AGBL4: variants seen among roughly 807,000 people sequenced by gnomAD.
AGBL4 encodes the protein cytosolic carboxypeptidase 6.
Under a neutral mutation model 66.4 loss-of-function variants are expected in AGBL4, and 58 were observed. The ratio of observed to expected loss-of-function variants is 0.87; its 90% CI spans 0.71 to 1.09. The LOEUF (loss-of-function observed/expected upper bound fraction) is 1.09. AGBL4 is among the 50% of genes least tolerant of loss of function. The pLI is 0.00. For synonymous variants in AGBL4, 234 were observed against 222.9 expected, an observed-to-expected ratio of 1.05 and a Z score of -0.44; for missense variants, 579 against 631.0, an observed-to-expected ratio of 0.92 and a Z score of 0.88.
intron 4 of AGBL4, among the ~76,000 whole-genome samples, chr1:49,158,868 T>C (rs1253276450): frequency 6.6e-6 from 1 of 151,318 alleles, no homozygotes; most frequent in Non-Finnish European, 1.5e-5. Context: ...GTCTGTTTTA[T>C]CAGACTAGGA....
intron 4 of AGBL4, among the ~76,000 whole-genome samples, chr1:49,220,397 C>T (rs1649406314): frequency 6.6e-6 from 1 of 152,114 alleles, no homozygotes. Context: ...AACTACATTG[C>T]TTTGGGTAAT....
chr1:49,748,085 A>G (rs1185983406), intron 2 of AGBL4, among the ~76,000 whole-genome samples: 1 of 152,060 alleles, frequency 6.6e-6, no homozygotes, highest in Non-Finnish European at 1.5e-5. Context: ...ATAGGTATAC[A>G]TGTCCCACCG....
chr1:49,253,389 T>C (rs1261996994), intron 3 of AGBL4, among the ~76,000 whole-genome samples: 1 of 151,986 alleles, frequency 6.6e-6, no homozygotes, highest in Admixed American at 6.6e-5. Flanking sequence ...ACACAGGGTG[T>C]TATGTCCCCT....
chr1:48,620,294 A>G (rs1023718405), intron 9 of AGBL4, among the ~76,000 whole-genome samples: 5 of 151,906 alleles, frequency 3.3e-5, no homozygotes, highest in African/African-American at 1.2e-4. Context: ...TTTAAGAGAC[A>G]GGGTCTCACT....
At chr1:49,723,826 C>G (rs1020138820) in intron 2 of AGBL4, among the ~76,000 whole-genome samples, 6 of 152,106 alleles carry the variant, frequency 3.9e-5, no homozygotes, top group Non-Finnish European at 8.8e-5. Context: ...GGGCAAGTTA[C>G]TTAACCTCCA....
intron 3 of AGBL4, among the ~76,000 whole-genome samples, chr1:49,262,835 G>GTT: frequency 6.6e-6 from 1 of 152,118 alleles, no homozygotes; most frequent in Admixed American, 6.6e-5. Flanking sequence ...AAATCATGCT[G>GTT]TTATAAAGAC....
chr1:49,762,383 T>A (rs1652391532), intron 2 of AGBL4, among the ~76,000 whole-genome samples: 1 of 152,124 alleles, frequency 6.6e-6, no homozygotes, highest in African/African-American at 2.4e-5. Flanking sequence ...TTTAGAGAAA[T>A]GTCTATTAAG....
chr1:49,448,742 T>C (rs1192425361), intron 3 of AGBL4, among the ~76,000 whole-genome samples: 2 of 152,180 alleles, frequency 1.3e-5, no homozygotes, highest in Admixed American at 6.5e-5. Context: ...ATGGTGAAGA[T>C]TATTTAAACT....
intron 3 of AGBL4, among the ~76,000 whole-genome samples, chr1:49,508,692 T>C (rs190438738): frequency 1.1e-3 from 168 of 152,074 alleles, no homozygotes; most frequent in African/African-American, 3.6e-3. Context: ...AAATTACTTA[T>C]CCTCTTAGAC....
intron 7 of AGBL4, among the ~76,000 whole-genome samples, chr1:48,657,188 C>T (rs1646034205): frequency 6.6e-6 from 1 of 152,142 alleles, no homozygotes; most frequent in Non-Finnish European, 1.5e-5. Context: ...GGTTCCTCAT[C>T]AATTACAAAG....
intron 5 of AGBL4, among the ~76,000 whole-genome samples, chr1:49,035,905 C>T (rs979142443): frequency 2.0e-5 from 3 of 151,688 alleles, no homozygotes; most frequent in Non-Finnish European, 2.9e-5. Flanking sequence ...TACAAATGAC[C>T]GCTAAACACT....
intron 3 of AGBL4, among the ~76,000 whole-genome samples, chr1:49,322,425 G>A (rs1645147616): frequency 1.3e-5 from 2 of 152,170 alleles, no homozygotes. Context: ...GTAGTAGGTT[G>A]AATGACAGTC....
intron 12 of AGBL4, among the ~76,000 whole-genome samples, chr1:48,535,520 T>C (rs1643955401): frequency 1.3e-5 from 2 of 152,150 alleles, no homozygotes; most frequent in South Asian, 4.1e-4. Context: ...GAGTAGGTGC[T>C]TGAGGAGTAT....
intron 6 of AGBL4, among the ~76,000 whole-genome samples, chr1:48,843,012 C>T (rs985024090): frequency 6.6e-6 from 1 of 151,886 alleles, no homozygotes; most frequent in African/African-American, 2.4e-5. Flanking sequence ...TTACCAGGAG[C>T]TGGGGGAAGG....
At chr1:48,622,687 T>A (rs1156678800) in intron 9 of AGBL4, among the ~76,000 whole-genome samples, 1 of 152,104 alleles carries the variant, frequency 6.6e-6, no homozygotes, top group Non-Finnish European at 1.5e-5. Flanking sequence ...TTTCACCATG[T>A]TGGCCAGGCT....
chr1:49,458,212 C>T (rs1646433529), intron 3 of AGBL4, among the ~76,000 whole-genome samples: 1 of 151,580 alleles, frequency 6.6e-6, no homozygotes, highest in Non-Finnish European at 1.5e-5. Flanking sequence ...TTGTTTGTGT[C>T]ATCTATGACT....
At chr1:48,903,080 C>T (rs17105101) in intron 5 of AGBL4, among the ~76,000 whole-genome samples, 4,832 of 152,148 alleles carry the variant, frequency 0.032, 250 homozygotes, top group African/African-American at 0.11. Context: ...TAATGTCATC[C>T]GGTGCTCAAG....
chr1:49,412,897 T>C (rs534516544), intron 3 of AGBL4, among the ~76,000 whole-genome samples: 1 of 152,216 alleles, frequency 6.6e-6, no homozygotes, highest in African/African-American at 2.4e-5. Context: ...CATGATGGAA[T>C]ATTACCAGGC....
intron 6 of AGBL4, among the ~76,000 whole-genome samples, chr1:48,859,263 G>C (rs1647289016): frequency 6.6e-6 from 1 of 152,066 alleles, no homozygotes; most frequent in Non-Finnish European, 1.5e-5. Flanking sequence ...GGTTTTCTCT[G>C]ACCCATTGGA....
Sources: gnomAD v4.1 joint callset for allele counts (sites outside exome capture counted in the v4.1 genomes callset) on GRCh38, gnomAD v4.1.1 for gene constraint, MANE v1.5 for transcripts, NCBI Gene and HGNC (gene_info 2026-07-23, HGNC 2026-07-21) for gene names.